SHISA9: variants seen among roughly 807,000 people sequenced by gnomAD.
The protein encoded by SHISA9 is protein shisa-9.
SHISA9 carries 13 observed loss-of-function variants against 38.0 expected under a neutral mutation model. That is an observed-to-expected ratio of 0.34 (90% confidence interval 0.22 to 0.54). The LOEUF (loss-of-function observed/expected upper bound fraction) is 0.54, where lower values mean the gene tolerates loss of function less well. SHISA9 is among the 20% of genes least tolerant of loss of function. The pLI, the probability that SHISA9 is intolerant of heterozygous loss-of-function variation, is 0.91. For missense variants in SHISA9, 538 were observed against 575.8 expected, an observed-to-expected ratio of 0.93 and a Z score of 0.67; for synonymous variants, 275 against 242.0, an observed-to-expected ratio of 1.14 and a Z score of -1.27.
At chr16:13,196,444 C>G (rs1247036957) in intron 2 of SHISA9, among the ~76,000 whole-genome samples, 3 of 151,174 alleles carry the variant, frequency 2.0e-5, no homozygotes, top group Admixed American at 1.3e-4. Flanking sequence ...TACAAGATAT[C>G]TGACCCTGTA....
chr16:13,157,721 C>G (rs2050559647), intron 2 of SHISA9, among the ~76,000 whole-genome samples: 1 of 152,194 alleles, frequency 6.6e-6, no homozygotes, highest in Non-Finnish European at 1.5e-5. Context: ...CTGCCACTGC[C>G]TGTCAGCTGT....
intron 2 of SHISA9, among the ~76,000 whole-genome samples, chr16:13,065,102 T>C (rs947495570): frequency 2.0e-5 from 3 of 152,320 alleles, no homozygotes; most frequent in Admixed American, 1.3e-4. Flanking sequence ...TTATCTCCCC[T>C]AGATCTCCCA....
chr16:13,469,943 C>T, the SHISA9 span, among the ~76,000 whole-genome samples: 1 of 152,132 alleles, frequency 6.6e-6, no homozygotes, highest in Admixed American at 6.5e-5. Context: ...TGTTTGGCCA[C>T]TTATTGTCAT....
intron 2 of SHISA9, among the ~76,000 whole-genome samples, chr16:13,101,474 A>G (rs1265169108): frequency 6.6e-6 from 1 of 152,256 alleles, no homozygotes; most frequent in East Asian, 1.9e-4. Flanking sequence ...TGAAAACCCA[A>G]CAGAGAAATA....
At chr16:13,222,596 T>C (rs1194559444) in intron 4 of SHISA9, among the ~76,000 whole-genome samples, 1 of 152,136 alleles carries the variant, frequency 6.6e-6, no homozygotes, top group South Asian at 2.1e-4. Flanking sequence ...TAGTTCTGAG[T>C]TGAGTGACCA....
At chr16:13,037,403 C>T (rs1297795608) in intron 2 of SHISA9, among the ~76,000 whole-genome samples, 2 of 151,592 alleles carry the variant, frequency 1.3e-5, no homozygotes, top group South Asian at 2.1e-4. Flanking sequence ...ACAAGTGTTA[C>T]ATAACATGCA....
chr16:12,965,262 C>A (rs1282643936), intron 2 of SHISA9, among the ~76,000 whole-genome samples: 1 of 152,012 alleles, frequency 6.6e-6, no homozygotes, highest in Non-Finnish European at 1.5e-5. Context: ...ATTAATATAC[C>A]ATAAAATTTC....
the SHISA9 span, among the ~76,000 whole-genome samples, chr16:13,441,014 A>C: frequency 6.6e-6 from 1 of 152,182 alleles, no homozygotes; most frequent in African/African-American, 2.4e-5. Context: ...ACATGGCAAT[A>C]ATGAGAGCAA....
At chr16:13,213,223 A>G in intron 3 of SHISA9, 30 bp from the exon 4 acceptor site, 1 of 1,550,090 alleles carries the variant, frequency 6.5e-7, no homozygotes. Context: ...CAAACAGATC[A>G]TCAGCATTTC....
At chr16:12,977,828 G>C (rs1001472682) in intron 2 of SHISA9, among the ~76,000 whole-genome samples, 58 of 152,124 alleles carry the variant, frequency 3.8e-4, no homozygotes, top group African/African-American at 1.2e-3. Context: ...GGGTGGGGAG[G>C]GGGGAGAGTG....
intron 4 of SHISA9, among the ~76,000 whole-genome samples, chr16:13,225,771 G>A (rs1248227445): frequency 2.0e-5 from 3 of 152,150 alleles, no homozygotes; most frequent in African/African-American, 7.2e-5. Context: ...CGGAAGCCAG[G>A]CTCCATCCCG....
chr16:13,027,033 A>C (rs981728456), intron 2 of SHISA9, among the ~76,000 whole-genome samples: 1 of 152,132 alleles, frequency 6.6e-6, no homozygotes, highest in Non-Finnish European at 1.5e-5. Context: ...GAGCTTGTTT[A>C]TACCTCCCTC....
chr16:13,190,524 A>T (rs529565919), intron 2 of SHISA9, among the ~76,000 whole-genome samples: 44 of 152,336 alleles, frequency 2.9e-4, no homozygotes, highest in African/African-American at 9.9e-4. Flanking sequence ...AATACAGATG[A>T]GCAAGGCCCC....
intron 1 of SHISA9, among the ~76,000 whole-genome samples, chr16:12,908,155 CTTA>C (rs2141709582): frequency 6.6e-6 from 1 of 151,486 alleles, no homozygotes; most frequent in Non-Finnish European, 1.5e-5. Flanking sequence ...TATCATCATC[CTTA>C]TTATTGACAT....
the SHISA9 span, among the ~76,000 whole-genome samples, chr16:13,402,728 C>T: frequency 1.3e-5 from 2 of 152,056 alleles, no homozygotes; most frequent in African/African-American, 4.8e-5. Context: ...CCCCGCTAGA[C>T]GAACCCAGGA....
intron 2 of SHISA9, among the ~76,000 whole-genome samples, chr16:12,969,917 T>C (rs1344716617): frequency 6.6e-6 from 1 of 152,060 alleles, no homozygotes. Flanking sequence ...GTAAACTGTT[T>C]AGGGACCATG....
chr16:13,029,561 T>C (rs1318997443), intron 2 of SHISA9, among the ~76,000 whole-genome samples: 1 of 152,200 alleles, frequency 6.6e-6, no homozygotes, highest in Non-Finnish European at 1.5e-5. Flanking sequence ...TGAGCCGAGA[T>C]TGTGCCACTG....
intron 2 of SHISA9, among the ~76,000 whole-genome samples, chr16:12,940,519 G>C (rs2141756719): frequency 6.6e-6 from 1 of 151,978 alleles, no homozygotes; most frequent in Admixed American, 6.6e-5. Context: ...AGTTTAGACT[G>C]TGCGGTCCAA....
At chr16:13,193,138 C>A (rs1009121582) in intron 2 of SHISA9, among the ~76,000 whole-genome samples, 1 of 152,110 alleles carries the variant, frequency 6.6e-6, no homozygotes, top group African/African-American at 2.4e-5. Context: ...CTTCTTGATC[C>A]ATTCTGGGGG....
Sources: gnomAD v4.1 joint callset for allele counts (sites outside exome capture counted in the v4.1 genomes callset) on GRCh38, gnomAD v4.1.1 for gene constraint, MANE v1.5 for transcripts, NCBI Gene and HGNC (gene_info 2026-07-23, HGNC 2026-07-21) for gene names.